KDM4C: variants seen among roughly 807,000 people sequenced by gnomAD.
The protein encoded by KDM4C is lysine-specific demethylase 4C.
KDM4C carries 81 observed loss-of-function variants against 129.3 expected under a neutral mutation model. The observed-to-expected ratio is 0.63, with a 90% CI of 0.52 to 0.75. KDM4C has a LOEUF of 0.75. Ranked by LOEUF, KDM4C falls within the 30% of genes least tolerant of loss-of-function variation. The pLI is 0.00. For missense variants in KDM4C, 1,457 were observed against 1,304.0 expected, an observed-to-expected ratio of 1.12 and a Z score of -1.81; for synonymous variants, 573 against 456.1, an observed-to-expected ratio of 1.26 and a Z score of -3.26.
intron 17 of KDM4C, among the ~76,000 whole-genome samples, chr9:7,081,674 A>G (rs16925298): frequency 0.045 from 6,829 of 152,286 alleles, 232 homozygotes; most frequent in East Asian, 0.14. Context: ...CCCAGAGCCT[A>G]CAGGGATAAT....
chr9:7,086,823 C>T (rs1342445624), intron 17 of KDM4C, among the ~76,000 whole-genome samples: 1 of 152,186 alleles, frequency 6.6e-6, no homozygotes, highest in African/African-American at 2.4e-5. Flanking sequence ...CTCAAACATA[C>T]TTTTTTCTAA....
At chr9:7,131,547 G>A (rs962424913) in intron 19 of KDM4C, among the ~76,000 whole-genome samples, 7 of 152,038 alleles carry the variant, frequency 4.6e-5, no homozygotes, top group Admixed American at 4.6e-4. Context: ...TGAACTCCCG[G>A]GCTCAACTTA....
chr9:7,133,592 T>C (rs1446582584), intron 19 of KDM4C, among the ~76,000 whole-genome samples: 3 of 152,178 alleles, frequency 2.0e-5, no homozygotes, highest in African/African-American at 4.8e-5. Flanking sequence ...TAGGTCCTGA[T>C]TGCAGGTTAG....
At chr9:6,904,325 A>G (rs1817923625) in intron 8 of KDM4C, among the ~76,000 whole-genome samples, 1 of 152,194 alleles carries the variant, frequency 6.6e-6, no homozygotes, top group East Asian at 1.9e-4. Flanking sequence ...AGCAAGTAAA[A>G]CATTTCTGGG....
intron 17 of KDM4C, among the ~76,000 whole-genome samples, chr9:7,083,291 C>T (rs1564094446): frequency 6.6e-6 from 1 of 152,186 alleles, no homozygotes; most frequent in Non-Finnish European, 1.5e-5. Flanking sequence ...CTCCAATGGG[C>T]ATTTCTGTTG....
At chr9:6,987,391 TA>T (rs1351483949) in intron 11 of KDM4C, among the ~76,000 whole-genome samples, 1 of 152,226 alleles carries the variant, frequency 6.6e-6, no homozygotes, top group Non-Finnish European at 1.5e-5. Flanking sequence ...TAATATTCCA[TA>T]TTCAGTAGAA....
At chr9:6,985,933 C>T (rs916111935) in intron 10 of KDM4C, among the ~76,000 whole-genome samples, 1 of 152,182 alleles carries the variant, frequency 6.6e-6, no homozygotes, top group Non-Finnish European at 1.5e-5. Context: ...TCAAGTGATC[C>T]ACCTGCCTTG....
chr9:6,935,367 C>G (rs62533791), intron 8 of KDM4C, among the ~76,000 whole-genome samples: 37,931 of 151,700 alleles, frequency 0.25, 5,232 homozygotes, highest in South Asian at 0.4. Context: ...ATTTTTATAT[C>G]CTGTTCACAT....
chr9:6,810,961 T>A (rs1198424527), intron 3 of KDM4C, among the ~76,000 whole-genome samples: 1 of 152,248 alleles, frequency 6.6e-6, no homozygotes, highest in Non-Finnish European at 1.5e-5. Flanking sequence ...AAACAACTTT[T>A]GAAATTCATA....
At chr9:6,733,766 G>A (rs1033085803) in intron 1 of KDM4C, among the ~76,000 whole-genome samples, 8 of 152,208 alleles carry the variant, frequency 5.3e-5, no homozygotes, top group African/African-American at 1.9e-4. Context: ...CCCAAGGGCT[G>A]CTGGTTGTCT....
At position 7,013,651 on chromosome 9, in the gene KDM4C, A is replaced by T. The variant is rs1413698066; in HGVS notation, c.1969-137A>T. The stretch of plus-strand genomic sequence containing the variant: ...GAATATTGATTTAAAAAAAACTAGT[A>T]GTTTGGTCAAGGAGAACAACAGGAA... On this transcript the variant is annotated intron_variant, in intron 13 of 21. Coordinates refer to ENST00000381309, the MANE Select transcript of KDM4C (RefSeq NM_015061.6). The T allele has an allele frequency of 1.1e-5, 8 of 720,738 alleles. No individual in the cohort carries two copies. The African/African-American group carries it at 1.5e-4, about 14-fold the overall frequency. 44.6% of individuals were successfully genotyped at this position (720,738 alleles called of 1,614,324 possible). A position where few individuals can be genotyped will look rare whatever the true frequency, so the allele number is the denominator to read the frequency against.
rs1370137319 is a variant in KDM4C at position 7,103,749 on chromosome 9, G to A, written c.2489G>A (p.Gly830Asp). ...VSGACIQCSY[G>D]RCPASFHVTC... The stretch of plus-strand genomic sequence containing the variant: ...GGAGCCTGCATCCAGTGTTCCTACG[G>A]TCGCTGCCCGGCCTCCTTCCATGTC... Residue 830 changes from glycine to aspartate, a missense_variant, in exon 18 of 22, where the codon GGT becomes GAT. Gly to Asp is a moderately conservative substitution (Grantham distance 94). Transcript: ENST00000381309. 6.2e-7 allele frequency: 1 copy of A among 1,613,906 alleles called. No homozygotes were observed. Among genetic ancestry groups the A allele is most frequent in the Non-Finnish European group, 8.5e-7 (1 of 1,179,950 alleles).
intron 15 of KDM4C, among the ~76,000 whole-genome samples, chr9:7,038,177 T>C (rs1827973306): frequency 6.6e-6 from 1 of 152,104 alleles, no homozygotes; most frequent in Non-Finnish European, 1.5e-5. Context: ...TAATTTTAAA[T>C]TGTACGTTTC....
chr9:7,165,101 C>A, intron 19 of KDM4C, 137 bp from the exon 20 acceptor site: 1 of 984,726 alleles, frequency 1.0e-6, no homozygotes. Flanking sequence ...TTCCCCTGAA[C>A]ACCCATGCGA....
chr9:7,082,240 A>G (rs769072919), intron 17 of KDM4C, among the ~76,000 whole-genome samples: 1 of 152,148 alleles, frequency 6.6e-6, no homozygotes, highest in African/African-American at 2.4e-5. Context: ...GTTTCTTTCC[A>G]CCTTAGCCCA....
At chr9:6,787,692 G>A (rs1825768242) in intron 1 of KDM4C, among the ~76,000 whole-genome samples, 1 of 152,218 alleles carries the variant, frequency 6.6e-6, no homozygotes. Context: ...CTGGGTTAGT[G>A]TAAATTGCCT....
intron 21 of KDM4C, among the ~76,000 whole-genome samples, chr9:7,172,497 A>G (rs973504722): frequency 6.6e-6 from 1 of 152,254 alleles, no homozygotes; most frequent in Admixed American, 6.5e-5. Context: ...TAGCACTTAC[A>G]CAAGTGAAAG....
At chr9:7,109,485 G>C (rs902146628) in intron 18 of KDM4C, among the ~76,000 whole-genome samples, 2 of 152,152 alleles carry the variant, frequency 1.3e-5, no homozygotes, top group Non-Finnish European at 2.9e-5. Flanking sequence ...CGTTCCAACA[G>C]GATTTTTATT....
rs34489986 is a variant in KDM4C, at chr9:6,958,084, C to CTTTT, written c.922-22830_922-22827dup. Among the ~76,000 whole-genome samples, 18 of 144,178 alleles carry CTTTT rather than the reference C, an allele frequency of 1.2e-4. No homozygotes were observed. The South Asian group carries it at 1.3e-3, about 11-fold the overall frequency. 94.6% of individuals were successfully genotyped at this position (144,178 alleles called of 152,430 possible). ...CTGAGGGTTTGCTTCAGCAAAGTAG[C>CTTTT]TTTTTTTTTTTTTTAATAATTGCTT... On this transcript the variant is annotated intron_variant, in intron 8 of 21. Transcript: ENST00000381309.
Sources: allele counts gnomAD v4.1 joint callset (sites outside exome capture counted in the v4.1 genomes callset), GRCh38; gene constraint gnomAD v4.1.1; transcripts MANE v1.5; gene names NCBI Gene and HGNC (gene_info 2026-07-23, HGNC 2026-07-21).